PLEKHD1: variants seen among roughly 807,000 people sequenced by gnomAD.
The protein encoded by PLEKHD1 is pleckstrin homology domain-containing family D member 1.
Under a neutral mutation model 69.2 loss-of-function variants are expected in PLEKHD1, and 51 were observed. The ratio of observed to expected loss-of-function variants is 0.74; its 90% CI spans 0.59 to 0.93. The LOEUF is 0.93. PLEKHD1 is among the 40% of genes least tolerant of loss of function. The pLI, the probability that PLEKHD1 is intolerant of heterozygous loss-of-function variation, is 0.00. For missense variants in PLEKHD1, 584 were observed against 641.0 expected (o/e 0.91, Z 0.96); for synonymous variants, 236 against 244.7 (o/e 0.96, Z 0.33).
chr14:69,477,337 C>T, the PLEKHD1 span, among the ~76,000 whole-genome samples: 1 of 152,314 alleles, frequency 6.6e-6, no homozygotes, highest in East Asian at 1.9e-4. Context: ...GCTCCTGCAA[C>T]ACATGGGAAT....
chr14:69,508,528 C>T (rs893398138), intron 6 of PLEKHD1, among the ~76,000 whole-genome samples: 3 of 152,194 alleles, frequency 2.0e-5, no homozygotes, highest in Non-Finnish European at 4.4e-5. Context: ...GATCCACCTG[C>T]CTCAGCCTCC....
At chr14:69,497,936 C>T (rs1882922185) in intron 1 of PLEKHD1, among the ~76,000 whole-genome samples, 1 of 152,094 alleles carries the variant, frequency 6.6e-6, no homozygotes, top group African/African-American at 2.4e-5. Context: ...CCTGTAATCC[C>T]AGCACTTTGA....
upstream of PLEKHD1, among the ~76,000 whole-genome samples, chr14:69,482,825 G>T (rs1407465437): frequency 2.0e-5 from 3 of 151,404 alleles, no homozygotes; most frequent in African/African-American, 7.3e-5. Context: ...GGAGGCTGAG[G>T]TGGGAAGATC....
upstream of PLEKHD1, among the ~76,000 whole-genome samples, chr14:69,482,594 CCACCCCAGGAGCACACAGCTGT>C (rs1247408734): frequency 1.3e-5 from 2 of 152,298 alleles, no homozygotes; most frequent in Non-Finnish European, 2.9e-5. Context: ...CATGCTGCTG[CCACCCCAGGAGCACACAGCTGT>C]CACCCAAGGC....
At chr14:69,520,355 A>T (rs1883486178) in intron 6 of PLEKHD1, among the ~76,000 whole-genome samples, 2 of 152,066 alleles carry the variant, frequency 1.3e-5, no homozygotes, top group Non-Finnish European at 2.9e-5. Flanking sequence ...GGGGTTTATC[A>T]TCATAAGCAA....
chr14:69,483,048 C>T (rs1005440110), upstream of PLEKHD1, among the ~76,000 whole-genome samples: 7 of 152,282 alleles, frequency 4.6e-5, no homozygotes, highest in Admixed American at 2.0e-4. Context: ...ACTCTGGCCC[C>T]GGGCTCTCAT....
chr14:69,528,099 C>T (rs1883700901), intron 12 of PLEKHD1, 151 bp from the exon 13 acceptor site: 6 of 1,408,580 alleles, frequency 4.3e-6, no homozygotes, highest in Non-Finnish European at 4.8e-6. Flanking sequence ...CTGGGTTTCT[C>T]AAAGGATATG....
chr14:69,503,704 A>T (rs1219771771), intron 6 of PLEKHD1: 5 of 150,658 alleles, frequency 3.3e-5, no homozygotes, highest in Middle Eastern at 3.4e-3. Flanking sequence ...AAAAAAAAAA[A>T]AAAAAAAAAA....
chr14:69,490,581 AG>A (rs2139494434), intron 1 of PLEKHD1, among the ~76,000 whole-genome samples: 1 of 152,292 alleles, frequency 6.6e-6, no homozygotes, highest in South Asian at 2.1e-4. Flanking sequence ...AGGGGGACTA[AG>A]TTTTTTGAGC....
At chr14:69,495,824 A>C (rs1435563129) in intron 1 of PLEKHD1, among the ~76,000 whole-genome samples, 1 of 151,718 alleles carries the variant, frequency 6.6e-6, no homozygotes, top group Non-Finnish European at 1.5e-5. Context: ...ACCCATGCCC[A>C]CTCCCAATTC....
rs745419968 is a variant in PLEKHD1, at chr14:69,485,010, G to C, written c.45G>C (p.Leu15=). ...ACTCGGTGTCGCCCTCGCCGTCCCT[G>C]GAGCAGGCTGACTCGGACGCCCTGG... ...KSNSVSPSPS[L]EQADSDALDI... is the part of the protein sequence containing the mutation. Residue 15 remains leucine (L), a synonymous_variant, in exon 1 of 13, where the codon CTG becomes CTC. Coordinates refer to ENST00000322564, the MANE Select transcript of PLEKHD1 (RefSeq NM_001161498.2). 5 of 1,551,252 alleles carry C rather than the reference G, an allele frequency of 3.2e-6. No individual in the cohort carries two copies. The South Asian group carries it at 5.9e-5, about 18-fold the overall frequency.
intron 1 of PLEKHD1, among the ~76,000 whole-genome samples, chr14:69,488,581 G>A (rs538195698): frequency 1.1e-4 from 17 of 152,102 alleles, no homozygotes; most frequent in Non-Finnish European, 2.5e-4. Context: ...ACTTCTACCA[G>A]AGTGGCAACA....
At chr14:69,518,852 C>G (rs957730101) in intron 6 of PLEKHD1, among the ~76,000 whole-genome samples, 1 of 152,152 alleles carries the variant, frequency 6.6e-6, no homozygotes, top group Non-Finnish European at 1.5e-5. Context: ...TGGGGTGCCT[C>G]CTCCCCTAGG....
Position 69,529,568 on chromosome 14 carries a change from C to T in PLEKHD1, c.*1149C>T, listed in dbSNP as rs1030414311. 2 of 152,558 alleles carry T rather than the reference C, an allele frequency of 1.3e-5. No homozygotes were observed. Among genetic ancestry groups the T allele is most frequent in the African/African-American group, 4.8e-5 (2 of 41,360 alleles). 9.5% of individuals were successfully genotyped at this position (152,558 alleles called of 1,614,324 possible). ...CTGTCTCAAACAAACACAAGGAAAACAAGCTCAGGAGTGAAGGAAAGTCAC... is the reference window on the plus strand; with the variant it reads ...CTGTCTCAAACAAACACAAGGAAAATAAGCTCAGGAGTGAAGGAAAGTCAC... On this transcript the variant is annotated 3_prime_UTR_variant, in exon 13 of 13. Coordinates refer to ENST00000322564, the MANE Select transcript of PLEKHD1 (RefSeq NM_001161498.2).
chr14:69,513,175 C>T (rs544382816), intron 6 of PLEKHD1, among the ~76,000 whole-genome samples: 347 of 151,726 alleles, frequency 2.3e-3, no homozygotes, highest in Non-Finnish European at 3.9e-3. Context: ...GACAAGATGG[C>T]ACCACTGTAC....
intron 10 of PLEKHD1, 85 bp from the exon 11 acceptor site, chr14:69,527,103 G>A (rs1883669910): frequency 7.0e-7 from 1 of 1,438,620 alleles, no homozygotes; most frequent in African/African-American, 1.4e-5. Context: ...CATTGAGCCA[G>A]GGGTGACCAA....
At chr14:69,526,486 A>T (rs1262734737) in intron 9 of PLEKHD1, among the ~76,000 whole-genome samples, 1 of 151,796 alleles carries the variant, frequency 6.6e-6, no homozygotes, top group Non-Finnish European at 1.5e-5. Context: ...TGGACCCAGG[A>T]CTCCAGTCTT....
Position 69,500,851 on chromosome 14 carries a change from A to C in PLEKHD1, c.334-20A>C, listed in dbSNP as rs1450118000. ...GCGTGGCTGCCTCTCAGGCATGCGC[A>C]TGGCTCCTCTTCCTGGCAGGGGAAC... On this transcript the variant is annotated intron_variant, in intron 3 of 12. Coordinates refer to ENST00000322564, the MANE Select transcript of PLEKHD1 (RefSeq NM_001161498.2). 2 of 1,551,392 alleles carry C rather than the reference A, an allele frequency of 1.3e-6. No individual in the cohort carries two copies. The highest frequency in any genetic ancestry group is 2.0e-5 in the Admixed American group (1 of 50,994).
chr14:69,526,916 A>T, intron 10 of PLEKHD1, 87 bp downstream of exon 10: 1 of 1,437,774 alleles, frequency 7.0e-7, no homozygotes, highest in South Asian at 1.5e-5. Flanking sequence ...TAGCTGCATG[A>T]ATTATCTCTG....
Sources: gnomAD v4.1 joint callset for allele counts (sites outside exome capture counted in the v4.1 genomes callset) on GRCh38, gnomAD v4.1.1 for gene constraint, MANE v1.5 for transcripts, NCBI Gene and HGNC (gene_info 2026-07-23, HGNC 2026-07-21) for gene names.